Variants in LATS1 observed in about 807,000 individuals in gnomAD.
LATS1 encodes large tumor suppressor kinase 1, also known as serine/threonine-protein kinase LATS1.
A neutral mutation model predicts 106.6 loss-of-function variants in LATS1; 25 were observed. That is an observed-to-expected ratio of 0.23 (90% CI 0.17 to 0.33). The LOEUF (loss-of-function observed/expected upper bound fraction) is 0.33, where lower values mean the gene tolerates loss of function less well. Ranked by LOEUF, LATS1 falls within the 10% of genes least tolerant of loss-of-function variation. The pLI, the probability that LATS1 is intolerant of heterozygous loss-of-function variation, is 1.00. For synonymous variants in LATS1, 465 were observed against 455.6 expected (o/e 1.02, Z -0.26); for missense variants, 1,040 against 1,382.6 (o/e 0.75, Z 3.93).
In LATS1 at chr6:149,659,999, T is replaced by C; in HGVS notation, c.*1730A>G. The stretch of plus-strand genomic sequence containing the variant: ...TTTTCCATCACAAATTATCAGCTTA[T>C]ATAAGATGTGCTGAGTAGTGATTGG... On this transcript the variant is annotated 3_prime_UTR_variant, in exon 8 of 8. Transcript: ENST00000543571. The C allele has an allele frequency of 4.3e-6, 1 of 232,082 alleles. No homozygotes were observed. 14.4% of individuals were successfully genotyped at this position (232,082 alleles called of 1,614,324 possible).
intron 3 of LATS1, among the ~76,000 whole-genome samples, chr6:149,693,241 C>A (rs1047888549): frequency 2.7e-5 from 4 of 150,630 alleles, no homozygotes; most frequent in Admixed American, 2.6e-4. Context: ...TGTGCCACTG[C>A]ACTCCAGCCT....
intron 1 of LATS1, among the ~76,000 whole-genome samples, chr6:149,716,967 A>C (rs1435208553): frequency 6.6e-6 from 1 of 152,196 alleles, no homozygotes; most frequent in Non-Finnish European, 1.5e-5. Flanking sequence ...ATAAACTGAT[A>C]AATTTATTAA....
rs139426159 is a variant in LATS1, at chr6:149,683,494, A to G, written c.1595T>C (p.Phe532Ser). ...QPIQTVQPSP[F>S]PEGTASNVTV... The stretch of plus-strand genomic sequence containing the variant: ...CACATTTGAAGCGGTTCCCTCAGGA[A>G]AAGGACTGGGTTGAACAGTTTGAAT... The change falls in exon 4 of 8, where the codon TTT becomes TCT. Residue 532 changes from phenylalanine (F) to serine (S), a missense_variant. Phe to Ser is a radical substitution (Grantham distance 155). Around this residue, in one of 7 missense-constraint regions of LATS1, gnomAD observed 624 missense variants for 714.8 expected, o/e 0.87. Coordinates refer to ENST00000543571, the MANE Select transcript of LATS1 (RefSeq NM_004690.4). The G allele has an allele frequency of 1.9e-5, 30 of 1,614,116 alleles. No homozygotes were observed. The highest frequency in any genetic ancestry group is 2.1e-5 in the Non-Finnish European group (25 of 1,180,058).
rs150603327 is a variant in LATS1 at position 149,700,955 on chromosome 6, A to G, written c.348+824T>C. 2.0e-5 allele frequency among the ~76,000 whole-genome samples: 3 copies of G among 152,198 alleles called. No homozygotes were observed. The East Asian group carries it at 5.8e-4, about 29-fold the overall frequency. ...TGTGCCACTATGCCCAGCTAATTTG[A>G]TATCTTTAGTAGAGACAGGGTTTCA... On this transcript the variant is annotated intron_variant, in intron 2 of 7. Coordinates refer to ENST00000543571, the MANE Select transcript of LATS1 (RefSeq NM_004690.4).
chr6:149,661,610 G>T lies in LATS1; in HGVS notation c.*119C>A. ...CCATAATTTAGGAAAATAAAATATT[G>T]TACACAGAGCACACATATATAGCTC... On this transcript the variant is annotated 3_prime_UTR_variant, in exon 8 of 8. Transcript: ENST00000543571. 1 of 728,002 alleles carries T rather than the reference G, an allele frequency of 1.4e-6. No homozygotes were observed. The highest frequency in any genetic ancestry group is 2.1e-6 in the Non-Finnish European group (1 of 467,290). 45.1% of individuals were successfully genotyped at this position (728,002 alleles called of 1,614,324 possible). A position where few individuals can be genotyped will look rare whatever the true frequency, so the allele number is the denominator to read the frequency against.
chr6:149,682,834 C>A, intron 4 of LATS1: 1 of 511,376 alleles, frequency 2.0e-6, no homozygotes, highest in Non-Finnish European at 3.3e-6. Context: ...CTGTATACCG[C>A]AAATTATATT....
intron 5 of LATS1, among the ~76,000 whole-genome samples, chr6:149,678,797 G>C (rs1781874980): frequency 6.6e-6 from 1 of 152,148 alleles, no homozygotes; most frequent in Non-Finnish European, 1.5e-5. Flanking sequence ...CTTGATTTCT[G>C]TCTGACCTTG....
At chr6:149,714,926 T>C (rs958466232) in intron 1 of LATS1, among the ~76,000 whole-genome samples, 7 of 152,264 alleles carry the variant, frequency 4.6e-5, no homozygotes, top group African/African-American at 7.2e-5. Flanking sequence ...TGCTAAAAAA[T>C]TGCTACTAAA....
At position 149,685,244 on chromosome 6, in the gene LATS1, A is replaced by T. The variant is rs544527508; in HGVS notation, c.497-652T>A. ...CAGTGCAAGACTCCATCTCAAAAAA[A>T]ATATATATATATTTTTGAAGAGATA... On this transcript the variant is annotated intron_variant, in intron 3 of 7. Transcript: ENST00000543571. Among the ~76,000 whole-genome samples the T allele has an allele frequency of 3.5e-3, 533 of 152,002 alleles. 1 individual carries two copies. Among genetic ancestry groups the T allele is most frequent in the South Asian group, 0.011 (53 of 4,824 alleles).
At position 149,664,708 on chromosome 6, in the gene LATS1, G is replaced by A. The variant is rs532863648; in HGVS notation, c.2884-2470C>T. On this transcript the variant is annotated intron_variant, in intron 7 of 7. Coordinates refer to ENST00000543571, the MANE Select transcript of LATS1 (RefSeq NM_004690.4). ...GTAAATTTGAAGTACCATTAAACCT[G>A]GTGACCATTTAAAAAAAATTATTTT... Among the ~76,000 whole-genome samples the A allele has an allele frequency of 4.6e-5, 7 of 152,160 alleles. No individual in the cohort carries two copies. The East Asian group carries it at 1.2e-3, about 25-fold the overall frequency.
intron 1 of LATS1, among the ~76,000 whole-genome samples, chr6:149,711,127 T>A (rs1562359808): frequency 6.6e-6 from 1 of 152,120 alleles, no homozygotes; most frequent in Non-Finnish European, 1.5e-5. Flanking sequence ...CTCTTAAATC[T>A]TTGGATGAGT....
intron 5 of LATS1, among the ~76,000 whole-genome samples, chr6:149,677,245 T>G (rs1781770633): frequency 6.6e-6 from 1 of 152,108 alleles, no homozygotes; most frequent in South Asian, 2.1e-4. Flanking sequence ...TAAGACTGAA[T>G]GGCTAGGGAA....
intron 4 of LATS1, among the ~76,000 whole-genome samples, chr6:149,681,916 C>T (rs1190245877): frequency 3.9e-5 from 6 of 152,038 alleles, no homozygotes; most frequent in East Asian, 1.9e-4. Context: ...AGATCAAGAC[C>T]GGCCTGGCCA....
At chr6:149,699,701 T>C (rs895696635) in intron 2 of LATS1, among the ~76,000 whole-genome samples, 9 of 152,210 alleles carry the variant, frequency 5.9e-5, no homozygotes, top group African/African-American at 1.9e-4. Context: ...GAATAGAGCA[T>C]TGACCAATGC....
chr6:149,688,288 T>G (rs1447393401), intron 3 of LATS1, among the ~76,000 whole-genome samples: 1 of 152,074 alleles, frequency 6.6e-6, no homozygotes, highest in Admixed American at 6.6e-5. Flanking sequence ...TATTCATTCA[T>G]TAAATATTTG....
intron 1 of LATS1, among the ~76,000 whole-genome samples, chr6:149,714,839 G>A (rs1205288892): frequency 1.3e-5 from 2 of 152,078 alleles, no homozygotes; most frequent in African/African-American, 2.4e-5. Flanking sequence ...ACTTTATTGT[G>A]ACAGACGAAA....
intron 2 of LATS1, chr6:149,697,233 ATG>A (rs768078206): frequency 2.3e-6 from 2 of 886,340 alleles, no homozygotes; most frequent in Admixed American, 3.9e-5. Flanking sequence ...CAAAGAAAGG[ATG>A]TGGTAAGAAC....
intron 7 of LATS1, among the ~76,000 whole-genome samples, chr6:149,673,096 CTTTTTT>C (rs199602290): frequency 2.5e-5 from 3 of 119,112 alleles, no homozygotes; most frequent in Non-Finnish European, 3.5e-5. Flanking sequence ...CTTTTCTTTT[CTTTTTT>C]TTTTTTTTTT....
intron 5 of LATS1, among the ~76,000 whole-genome samples, chr6:149,677,968 C>T (rs1314742921): frequency 1.3e-5 from 2 of 150,098 alleles, no homozygotes; most frequent in South Asian, 2.1e-4. Flanking sequence ...TGCAGTGGGC[C>T]GAGATCGCGC....
Sources: gnomAD v4.1 joint callset for allele counts (sites outside exome capture counted in the v4.1 genomes callset) on GRCh38, gnomAD v4.1.1 for gene constraint, gnomAD v4.1.1 regional missense constraint, MANE v1.5 for transcripts, NCBI Gene and HGNC (gene_info 2026-07-23, HGNC 2026-07-21) for gene names.